Variants in UNC5C observed in about 807,000 individuals in gnomAD.
UNC5C encodes unc-5 netrin receptor C, also known as netrin receptor UNC5C.
UNC5C carries 47 observed loss-of-function variants against 99.8 expected under a neutral mutation model. The ratio of observed to expected loss-of-function variants is 0.47; its 90% CI spans 0.37 to 0.60. The LOEUF is 0.60. Ranked by LOEUF, UNC5C falls within the 20% of genes least tolerant of loss-of-function variation. UNC5C has a pLI of 0.00. For missense variants in UNC5C, 1,062 were observed against 1,165.9 expected, an observed-to-expected ratio of 0.91 and a Z score of 1.30; for synonymous variants, 487 against 452.2, an observed-to-expected ratio of 1.08 and a Z score of -0.98.
At chr4:95,422,911 G>T (rs1213284328) in intron 1 of UNC5C, among the ~76,000 whole-genome samples, 1 of 152,136 alleles carries the variant, frequency 6.6e-6, no homozygotes, top group Non-Finnish European at 1.5e-5. Context: ...GAGGAAGGTC[G>T]CTGGGATTAG....
intron 1 of UNC5C, among the ~76,000 whole-genome samples, chr4:95,388,626 C>T (rs1156755456): frequency 6.6e-6 from 1 of 152,078 alleles, no homozygotes; most frequent in African/African-American, 2.4e-5. Context: ...GCCTGTGGTT[C>T]CACTAGTCTT....
At chr4:95,239,265 A>T (rs1225977088) in intron 7 of UNC5C, among the ~76,000 whole-genome samples, 1 of 152,204 alleles carries the variant, frequency 6.6e-6, no homozygotes, top group Non-Finnish European at 1.5e-5. Context: ...TGTATCTTAG[A>T]TTCCATACCA....
chr4:95,235,327 GTTGT>G (rs1175767235), intron 7 of UNC5C, among the ~76,000 whole-genome samples: 14 of 152,070 alleles, frequency 9.2e-5, no homozygotes, highest in Non-Finnish European at 1.5e-4. Flanking sequence ...AGCATATAGG[GTTGT>G]TTGTTTTTTT....
intron 4 of UNC5C, among the ~76,000 whole-genome samples, chr4:95,261,143 T>C (rs898277425): frequency 4.0e-5 from 6 of 151,846 alleles, no homozygotes; most frequent in African/African-American, 1.2e-4. Flanking sequence ...GATTACGAGA[T>C]AGGGGCTGGA....
In UNC5C at chr4:95,365,295, C is replaced by CA. The variant is rs11332755; in HGVS notation, c.125-29665dup. On this transcript the variant is annotated intron_variant, in intron 1 of 15. Coordinates refer to ENST00000453304, the MANE Select transcript of UNC5C (RefSeq NM_003728.4). ...TGGGCAACAGAACAAGAATCTGTCT[C>CA]AAAAAAAAAAAAAAAAGAAAAGAAA... 4.2e-3 allele frequency among the ~76,000 whole-genome samples: 450 copies of CA among 107,972 alleles called. 3 individuals carry two copies. The highest frequency in any genetic ancestry group is 0.01 in the East Asian group (31 of 3,052). 70.8% of individuals were successfully genotyped at this position (107,972 alleles called of 152,430 possible).
chr4:95,275,318 G>A (rs1422757935), intron 4 of UNC5C, among the ~76,000 whole-genome samples: 2 of 152,034 alleles, frequency 1.3e-5, no homozygotes, highest in South Asian at 4.2e-4. Flanking sequence ...GGTTGAGTTT[G>A]GTCTTGTGTG....
At chr4:95,197,936 G>C (rs891963203) in intron 12 of UNC5C, among the ~76,000 whole-genome samples, 10 of 151,706 alleles carry the variant, frequency 6.6e-5, no homozygotes, top group Non-Finnish European at 8.8e-5. Context: ...ACCAGGGGAG[G>C]GTTTTTGGAC....
intron 1 of UNC5C, among the ~76,000 whole-genome samples, chr4:95,534,059 T>C (rs917296656): frequency 1.3e-5 from 2 of 152,202 alleles, no homozygotes; most frequent in Non-Finnish European, 2.9e-5. Context: ...AACCATACTG[T>C]TGACTGCAGA....
At chr4:95,449,589 A>C (rs1274197582) in intron 1 of UNC5C, among the ~76,000 whole-genome samples, 1 of 152,208 alleles carries the variant, frequency 6.6e-6, no homozygotes, top group Admixed American at 6.6e-5. Context: ...GACAGGAATG[A>C]GGAAAACATA....
chr4:95,506,661 A>G (rs1166016155), intron 1 of UNC5C, among the ~76,000 whole-genome samples: 2 of 151,982 alleles, frequency 1.3e-5, no homozygotes, highest in Non-Finnish European at 2.9e-5. Flanking sequence ...CAGATGGTAA[A>G]TCTGGGAAAA....
intron 1 of UNC5C, among the ~76,000 whole-genome samples, chr4:95,362,226 T>C (rs1295157654): frequency 6.6e-6 from 1 of 152,162 alleles, no homozygotes; most frequent in Non-Finnish European, 1.5e-5. Context: ...GCCACGTGGT[T>C]CGGTTTCCCA....
At chr4:95,477,983 T>C (rs1264967913) in intron 1 of UNC5C, among the ~76,000 whole-genome samples, 2 of 151,950 alleles carry the variant, frequency 1.3e-5, no homozygotes, top group Admixed American at 1.3e-4. Flanking sequence ...TTCATATATG[T>C]AAAGTGCTTC....
At chr4:95,409,891 A>G (rs1266776306) in intron 1 of UNC5C, among the ~76,000 whole-genome samples, 1 of 152,196 alleles carries the variant, frequency 6.6e-6, no homozygotes, top group Non-Finnish European at 1.5e-5. Context: ...GTATGCCTCT[A>G]TGTGCGCCTA....
chr4:95,180,709 G>C (rs781493235), intron 14 of UNC5C, among the ~76,000 whole-genome samples: 1 of 152,120 alleles, frequency 6.6e-6, no homozygotes, highest in Non-Finnish European at 1.5e-5. Flanking sequence ...TATAAATGAC[G>C]ACTGGTGAGT....
At chr4:95,481,794 C>G (rs1721165117) in intron 1 of UNC5C, among the ~76,000 whole-genome samples, 1 of 152,082 alleles carries the variant, frequency 6.6e-6, no homozygotes, top group African/African-American at 2.4e-5. Context: ...GCTGGGAAAA[C>G]TGGCTAGCCA....
chr4:95,338,191 C>G (rs1009015853), intron 1 of UNC5C, among the ~76,000 whole-genome samples: 1 of 152,022 alleles, frequency 6.6e-6, no homozygotes, highest in South Asian at 2.1e-4. Context: ...ACTCAACCAT[C>G]GAAGTTGGTC....
At chr4:95,239,691 A>C (rs1203227857) in intron 7 of UNC5C, among the ~76,000 whole-genome samples, 1 of 152,136 alleles carries the variant, frequency 6.6e-6, no homozygotes, top group African/African-American at 2.4e-5. Flanking sequence ...ATGCACATGT[A>C]TGTCTCTACT....
At chr4:95,271,186 GAGAT>G (rs1740645754) in intron 4 of UNC5C, among the ~76,000 whole-genome samples, 1 of 152,292 alleles carries the variant, frequency 6.6e-6, no homozygotes, top group African/African-American at 2.4e-5. Context: ...AATCTCTACT[GAGAT>G]AGAGACCGTG....
intron 5 of UNC5C, among the ~76,000 whole-genome samples, chr4:95,246,933 T>G (rs1258205298): frequency 1.3e-5 from 2 of 151,890 alleles, no homozygotes; most frequent in Admixed American, 6.6e-5. Flanking sequence ...TCCCAGGTAC[T>G]TGGGAGGCTG....
Sources: gnomAD v4.1 joint callset for allele counts (sites outside exome capture counted in the v4.1 genomes callset) on GRCh38, gnomAD v4.1.1 for gene constraint, MANE v1.5 for transcripts, NCBI Gene and HGNC (gene_info 2026-07-23, HGNC 2026-07-21) for gene names.